The following MYO9A variants were observed in gnomAD, a reference collection of about 807,000 sequenced individuals.
MYO9A encodes myosin IXA, also known as unconventional myosin-IXa.
Under a neutral mutation model 293.3 loss-of-function variants are expected in MYO9A, and 103 were observed. The ratio of observed to expected loss-of-function variants is 0.35; its 90% CI spans 0.30 to 0.41. MYO9A has a LOEUF of 0.41. MYO9A is among the 10% of genes least tolerant of loss of function. MYO9A has a pLI of 1.00. For synonymous variants in MYO9A, 1,001 were observed against 1,035.7 expected, an observed-to-expected ratio of 0.97 and a Z score of 0.64; for missense variants, 2,685 against 3,033.0, an observed-to-expected ratio of 0.89 and a Z score of 2.69.
intron 1 of MYO9A, among the ~76,000 whole-genome samples, chr15:72,105,415 C>T (rs2151011337): frequency 6.6e-6 from 1 of 151,558 alleles, no homozygotes; most frequent in South Asian, 2.1e-4. Context: ...TTGGTAGAGA[C>T]AGGGTCTCAT....
intron 1 of MYO9A, among the ~76,000 whole-genome samples, chr15:72,075,888 T>A (rs756516802): frequency 6.6e-6 from 1 of 152,124 alleles, no homozygotes; most frequent in Non-Finnish European, 1.5e-5. Context: ...CTAGAAAATA[T>A]TGTGAACAAG....
At chr15:72,109,258 C>T (rs555353556) in intron 1 of MYO9A, among the ~76,000 whole-genome samples, 31 of 151,740 alleles carry the variant, frequency 2.0e-4, no homozygotes, top group Admixed American at 3.3e-4. Flanking sequence ...GGCGTGGTGG[C>T]GGGTGCCTGT....
chr15:72,062,464 A>G (rs1470043701), intron 1 of MYO9A, among the ~76,000 whole-genome samples: 1 of 152,224 alleles, frequency 6.6e-6, no homozygotes, highest in Non-Finnish European at 1.5e-5. Context: ...ACACAGAAGG[A>G]ATTCAGAATC....
intron 1 of MYO9A, among the ~76,000 whole-genome samples, chr15:72,090,651 ACT>A (rs1330114959): frequency 6.6e-6 from 1 of 152,178 alleles, no homozygotes; most frequent in Non-Finnish European, 1.5e-5. Context: ...CCATTTAAAG[ACT>A]CTGGGGTTTT....
rs376991801 is a variant in MYO9A, at chr15:71,977,819, T to C, written c.1844+352A>G. Among the ~76,000 whole-genome samples the C allele has an allele frequency of 7.1e-4, 108 of 152,166 alleles. 1 individual carries two copies. In the South Asian group the frequency reaches 0.02, roughly 28 times the overall value. The stretch of plus-strand genomic sequence containing the variant: ...TTGGGAGGCCAAGGCAGGTGGATCA[T>C]GAGGTCAGGCGATCGAGACCATCCT... On this transcript the variant is annotated intron_variant, in intron 12 of 41. Coordinates refer to ENST00000356056, the MANE Select transcript of MYO9A (RefSeq NM_006901.4).
At chr15:72,056,098 C>T (rs565453991) in intron 1 of MYO9A, among the ~76,000 whole-genome samples, 30 of 152,176 alleles carry the variant, frequency 2.0e-4, no homozygotes, top group Non-Finnish European at 3.1e-4. Context: ...CATGGTGGCA[C>T]GGGCCTGTAG....
At chr15:71,874,637 A>G (rs1011439517) in intron 32 of MYO9A, among the ~76,000 whole-genome samples, 1 of 152,240 alleles carries the variant, frequency 6.6e-6, no homozygotes, top group South Asian at 2.1e-4. Context: ...GGAGAAGAGT[A>G]TAAGAAGGTA....
rs751999713 is a variant in MYO9A, at chr15:72,014,705, GGAAAA to G, written c.1156-4263_1156-4259del. On this transcript the variant is annotated intron_variant, in intron 6 of 41. Transcript: ENST00000356056. ...CATGAAAGAAAGAAAAGAAAGAAAAGGAAAAGAAAAGAAAAGAAGAGAAGAGAGAG... is the reference window on the plus strand; with the variant it reads ...CATGAAAGAAAGAAAAGAAAGAAAAGGAAAAGAAAAGAAGAGAAGAGAGAG... Among the ~76,000 whole-genome samples the G allele has an allele frequency of 2.4e-3, 252 of 104,250 alleles. 1 individual carries two copies. Among genetic ancestry groups the G allele is most frequent in the African/African-American group, 4.5e-3 (121 of 26,972 alleles). The allele number at this position is 104,250 out of a possible 152,430, so 68.4% of individuals were successfully genotyped here. A position where few individuals can be genotyped will look rare whatever the true frequency, so the allele number is the denominator to read the frequency against.
In MYO9A at chr15:72,046,070, T is replaced by C. The variant is rs1253509179; in HGVS notation, c.494A>G (p.Asn165Ser). ...TTCATGCTTAAAGCGATTTCGTAGG[T>C]TTTCTAAGAGAGTTTTCTCATTCAA... is the stretch of plus-strand genomic sequence containing the variant. ...PDLNEKTLLE[N>S]LRNRFKHEKI... Residue 165 changes from asparagine (N) to serine (S), a missense_variant, in exon 2 of 42, where the codon AAC (asparagine) becomes AGC (serine). Physicochemically the swap from Asn to Ser is conservative, Grantham distance 46 (BLOSUM62 1). Coordinates refer to ENST00000356056, the MANE Select transcript of MYO9A (RefSeq NM_006901.4). 1 of 1,613,568 alleles carries C rather than the reference T, an allele frequency of 6.2e-7. No homozygotes were observed. Among genetic ancestry groups the C allele is most frequent in the Admixed American group, 1.7e-5 (1 of 59,852 alleles).
chr15:72,028,282 TGTTA>T (rs1279884795), intron 3 of MYO9A, among the ~76,000 whole-genome samples: 7 of 148,862 alleles, frequency 4.7e-5, no homozygotes, highest in African/African-American at 1.7e-4. Flanking sequence ...GTATGGGTAC[TGTTA>T]GTGTTATCCA....
intron 11 of MYO9A, among the ~76,000 whole-genome samples, chr15:71,981,277 A>G (rs894373145): frequency 6.6e-6 from 1 of 152,170 alleles, no homozygotes; most frequent in African/African-American, 2.4e-5. Flanking sequence ...TGTGTGTATC[A>G]TTGTTATCCT....
chr15:71,826,446 TCTTAGCCATATG>T lies in MYO9A; in HGVS notation c.*122_*133del, dbSNP rs2054503948. 3.5e-6 allele frequency: 3 copies of T among 869,366 alleles called. No individual in the cohort carries two copies. Among genetic ancestry groups the T allele is most frequent in the Non-Finnish European group, 1.7e-6 (1 of 576,712 alleles). 53.9% of individuals were successfully genotyped at this position (869,366 alleles called of 1,614,324 possible). On this transcript the variant is annotated 3_prime_UTR_variant, in exon 42 of 42. Transcript: ENST00000356056. ...AGGCCCAGGAATTCAGCACATACAGTCTTAGCCATATGCTTAGAAAAGAGGCAGGACCACAAT... is the reference window on the plus strand; with the variant it reads ...AGGCCCAGGAATTCAGCACATACAGTCTTAGAAAAGAGGCAGGACCACAAT...
intron 28 of MYO9A, among the ~76,000 whole-genome samples, chr15:71,882,534 G>A (rs1319846597): frequency 1.3e-5 from 2 of 152,160 alleles, no homozygotes; most frequent in Non-Finnish European, 2.9e-5. Flanking sequence ...ACTTTGGGAG[G>A]CTGAGGTGGG....
chr15:71,935,903 TACACACAC>T (rs66924608), intron 16 of MYO9A, among the ~76,000 whole-genome samples: 2,083 of 148,098 alleles, frequency 0.014, 22 homozygotes, highest in East Asian at 0.025. Flanking sequence ...AGGTCTTATT[TACACACAC>T]ACACACACAC....
intron 1 of MYO9A, among the ~76,000 whole-genome samples, chr15:72,097,678 G>C (rs149248737): frequency 6.6e-6 from 1 of 152,278 alleles, no homozygotes; most frequent in African/African-American, 2.4e-5. Flanking sequence ...GGGAGGCCAA[G>C]GTGGGCGGAT....
In MYO9A at chr15:71,951,885, T is replaced by G. The variant is rs1189401580; in HGVS notation, c.2194A>C (p.Thr732Pro). ...CTTTTCAAAATTGCACATGGCGCTG[T>G]ATCATCATGTCCTTAGGAAGCAAAA... ...NIHRKTGHDD[T>P]APCAILKSMD... Residue 732 changes from threonine (T) to proline (P), a missense_variant, in exon 15 of 42, where the codon ACA (threonine) becomes CCA (proline). Thr to Pro is a conservative substitution (Grantham distance 38). Around this residue, in one of 10 missense-constraint regions of MYO9A, gnomAD observed 1,434 missense variants for 1,497.7 expected, o/e 0.96. Coordinates refer to ENST00000356056, the MANE Select transcript of MYO9A (RefSeq NM_006901.4). 6.2e-7 allele frequency: 1 copy of G among 1,602,794 alleles called. No individual in the cohort carries two copies. The highest frequency in any genetic ancestry group is 2.2e-5 in the East Asian group (1 of 44,702).
intron 16 of MYO9A, among the ~76,000 whole-genome samples, chr15:71,937,640 C>T (rs2058675346): frequency 1.3e-5 from 2 of 152,018 alleles, no homozygotes; most frequent in East Asian, 1.9e-4. Context: ...ACTGAGAATT[C>T]GTTTTATTGT....
At chr15:71,901,113 A>G in intron 23 of MYO9A, 78 bp downstream of exon 23, 1 of 1,416,808 alleles carries the variant, frequency 7.1e-7, no homozygotes. Flanking sequence ...AAAATGTTTT[A>G]CAGTAAAAAG....
chr15:72,013,559 G>T (rs1404706621), intron 6 of MYO9A, among the ~76,000 whole-genome samples: 1 of 152,138 alleles, frequency 6.6e-6, no homozygotes. Context: ...GTTCTTGTTT[G>T]TACTTGATAA....
Sources: allele counts gnomAD v4.1 joint callset (sites outside exome capture counted in the v4.1 genomes callset), GRCh38; gene constraint gnomAD v4.1.1; regional missense constraint gnomAD v4.1.1; transcripts MANE v1.5; gene names NCBI Gene and HGNC (gene_info 2026-07-23, HGNC 2026-07-21).